Variants in ALMS1 observed in about 807,000 individuals in gnomAD.
ALMS1 encodes the protein centrosome-associated protein ALMS1.
ALMS1 carries 271 observed loss-of-function variants against 352.2 expected under a neutral mutation model. The ratio of observed to expected loss-of-function variants is 0.77; its 90% CI spans 0.70 to 0.85. The LOEUF (loss-of-function observed/expected upper bound fraction) is 0.85. Among genes scored for constraint, ALMS1 ranks in the 40% least tolerant of loss-of-function variants. The pLI, the probability that ALMS1 is intolerant of heterozygous loss-of-function variation, is 0.00. For synonymous variants in ALMS1, 1,865 were observed against 1,761.2 expected (o/e 1.06, Z -1.48); for missense variants, 5,445 against 4,870.7 (o/e 1.12, Z -3.51).
In ALMS1 at chr2:73,453,632, A is replaced by G. The variant is rs2103792593; in HGVS notation, c.7105A>G (p.Lys2369Glu). 1.9e-6 allele frequency: 3 copies of G among 1,614,080 alleles called. No individual in the cohort carries two copies. Among genetic ancestry groups the G allele is most frequent in the Non-Finnish European group, 2.5e-6 (3 of 1,180,012 alleles). The change falls in exon 8 of 23, where the codon AAA (lysine) becomes GAA (glutamate). Residue 2369 changes from lysine to glutamate, a missense_variant. Lys to Glu is a moderately conservative substitution (Grantham distance 56). Coordinates refer to ENST00000613296, the MANE Select transcript of ALMS1 (RefSeq NM_001378454.1). ...VRSPLQEAES[K>E]VSMALEETLR... ...AAGTCCTCTACAGGAAGCAGAGAGC[A>G]AAGTCAGTATGGCATTAGAAGAAAC... is the stretch of plus-strand genomic sequence containing the variant.
Position 73,489,848 on chromosome 2 carries a change from C to G in ALMS1, c.7889C>G (p.Ser2630Cys), listed in dbSNP as rs759282988. 6.2e-7 allele frequency: 1 copy of G among 1,614,192 alleles called. No individual in the cohort carries two copies. The highest frequency in any genetic ancestry group is 8.5e-7 in the Non-Finnish European group (1 of 1,180,030). ...TGCAGAGCCAAGCATGTCAACCTTT[C>G]TGCATCCTTAGACCAGAACAACTCC... ...SSCRAKHVNL[S>C]ASLDQNNSHF... The change falls in exon 10 of 23, where the codon TCT becomes TGT. Residue 2630 changes from serine to cysteine, a missense_variant. By Grantham distance (112) the Ser-to-Cys change is moderately radical (BLOSUM62 -1). Transcript: ENST00000613296.
chr2:73,480,270 C>T (rs765337952), intron 9 of ALMS1, among the ~76,000 whole-genome samples: 14 of 151,928 alleles, frequency 9.2e-5, no homozygotes, highest in Non-Finnish European at 8.8e-5. Flanking sequence ...TATTCTCCTT[C>T]CTGTGTCCAT....
intron 17 of ALMS1, 23 bp from the exon 18 acceptor site, chr2:73,600,655 A>T: frequency 6.3e-7 from 1 of 1,598,142 alleles, no homozygotes; most frequent in Non-Finnish European, 8.5e-7. Flanking sequence ...ACTCCCAGAG[A>T]CACCTATGAT....
intron 13 of ALMS1, among the ~76,000 whole-genome samples, chr2:73,554,037 A>T (rs947667652): frequency 1.3e-5 from 2 of 152,220 alleles, no homozygotes; most frequent in Non-Finnish European, 2.9e-5. Context: ...TGTAGTGGAT[A>T]GGAGAGGGAA....
intron 10 of ALMS1, among the ~76,000 whole-genome samples, chr2:73,507,657 TTC>T (rs776181495): frequency 9.8e-5 from 15 of 152,358 alleles, no homozygotes; most frequent in Non-Finnish European, 1.8e-4. Context: ...TATTTGATTC[TTC>T]TCTCTTTTCT....
intron 9 of ALMS1, among the ~76,000 whole-genome samples, chr2:73,485,770 C>G (rs1179342778): frequency 6.6e-6 from 1 of 152,204 alleles, no homozygotes; most frequent in African/African-American, 2.4e-5. Context: ...GGGGTATAAT[C>G]TCGTGGTGCG....
chr2:73,573,533 A>G (rs1416432235), intron 16 of ALMS1, 109 bp downstream of exon 16: 5 of 1,124,028 alleles, frequency 4.4e-6, no homozygotes, highest in African/African-American at 1.5e-5. Flanking sequence ...TTTCCTCTCT[A>G]TACCATTTCT....
chr2:73,568,985 G>T, intron 15 of ALMS1, among the ~76,000 whole-genome samples: 1 of 112,012 alleles, frequency 8.9e-6, no homozygotes, highest in Non-Finnish European at 1.8e-5. Context: ...GCTTGCTGCT[G>T]CTTCTGCTTC....
chr2:73,602,497 A>G, intron 20 of ALMS1, 129 bp downstream of exon 20: 2 of 1,122,082 alleles, frequency 1.8e-6, no homozygotes, highest in Non-Finnish European at 2.6e-6. Context: ...TTGCTTGCCA[A>G]GACTCAAACC....
chr2:73,556,556 A>G (rs568665088), intron 13 of ALMS1, among the ~76,000 whole-genome samples: 40 of 152,196 alleles, frequency 2.6e-4, no homozygotes, highest in African/African-American at 8.4e-4. Flanking sequence ...ATAAGTGGTA[A>G]AAACTTTGAA....
In ALMS1 at chr2:73,490,242, C is replaced by T. The variant is rs1458822343; in HGVS notation, c.8283C>T (p.Pro2761=). Residue 2761 remains proline (P), a synonymous_variant, in exon 10 of 23, where the codon CCC becomes CCT. Coordinates refer to ENST00000613296, the MANE Select transcript of ALMS1 (RefSeq NM_001378454.1). ...ATTTCACTGAAGAACAAAATCCTCCCAGAGATCTTAAACAGAAAACCTCTT... is the reference window on the plus strand; with the variant it reads ...ATTTCACTGAAGAACAAAATCCTCCTAGAGATCTTAAACAGAAAACCTCTT... ...NSHFTEEQNP[P]RDLKQKTSSP... 4 of 1,614,054 alleles carry T rather than the reference C, an allele frequency of 2.5e-6. No homozygotes were observed. Among genetic ancestry groups the T allele is most frequent in the African/African-American group, 2.7e-5 (2 of 74,978 alleles).
intron 10 of ALMS1, among the ~76,000 whole-genome samples, 187 bp downstream of exon 10, chr2:73,491,685 A>G (rs939523534): frequency 2.6e-5 from 4 of 152,112 alleles, no homozygotes; most frequent in African/African-American, 9.6e-5. Flanking sequence ...TGTGACAGTA[A>G]TGCATTTATA....
chr2:73,504,075 A>C (rs1166943699), intron 10 of ALMS1, among the ~76,000 whole-genome samples: 4 of 152,206 alleles, frequency 2.6e-5, no homozygotes, highest in Non-Finnish European at 4.4e-5. Context: ...AAATACATAT[A>C]GACTCACAAG....
chr2:73,563,755 G>A (rs1256572567), intron 15 of ALMS1, among the ~76,000 whole-genome samples: 20 of 144,610 alleles, frequency 1.4e-4, no homozygotes, highest in African/African-American at 5.1e-4. Flanking sequence ...AATAAAAAAT[G>A]AAGGTATGGA....
At chr2:73,395,071 TATATA>T (rs1670731558) in intron 1 of ALMS1, among the ~76,000 whole-genome samples, 6 of 116,218 alleles carry the variant, frequency 5.2e-5, no homozygotes, top group Admixed American at 8.6e-5. Flanking sequence ...TATATATATA[TATATA>T]TATTTTTTTT....
intron 11 of ALMS1, among the ~76,000 whole-genome samples, chr2:73,523,035 T>C (rs1396443449): frequency 1.3e-5 from 2 of 152,174 alleles, no homozygotes; most frequent in South Asian, 2.1e-4. Context: ...AGATCTTCCA[T>C]CTAACAACAC....
At chr2:73,408,873 T>A in intron 2 of ALMS1, 126 bp downstream of exon 2, 1 of 880,462 alleles carries the variant, frequency 1.1e-6, no homozygotes, top group African/African-American at 2.1e-5. Flanking sequence ...TCTTTTTTTT[T>A]TTTTTTTTTT....
intron 11 of ALMS1, among the ~76,000 whole-genome samples, chr2:73,527,993 T>G (rs983145484): frequency 6.6e-5 from 10 of 152,192 alleles, no homozygotes; most frequent in Admixed American, 5.9e-4. Flanking sequence ...TCTTTCTTGA[T>G]TTCTTCCTTG....
chr2:73,601,471 G>T (rs1675687263), intron 19 of ALMS1, 35 bp downstream of exon 19: 11 of 1,609,092 alleles, frequency 6.8e-6, no homozygotes, highest in Non-Finnish European at 9.3e-6. Flanking sequence ...AATGCTACGT[G>T]TAGGGAGAAG....
Sources: allele counts gnomAD v4.1 joint callset (sites outside exome capture counted in the v4.1 genomes callset), GRCh38; gene constraint gnomAD v4.1.1; transcripts MANE v1.5; gene names NCBI Gene and HGNC (gene_info 2026-07-23, HGNC 2026-07-21).